GNAS: variants seen among roughly 807,000 people sequenced by gnomAD.
GNAS encodes GNAS complex locus.
GNAS carries 8 observed loss-of-function variants against 54.5 expected under a neutral mutation model. That is an observed-to-expected ratio of 0.15 (90% CI 0.09 to 0.26). The LOEUF (loss-of-function observed/expected upper bound fraction) is 0.26. Among genes scored for constraint, GNAS ranks in the 10% least tolerant of loss-of-function variants. GNAS has a pLI of 1.00. For missense variants in GNAS, 170 were observed against 529.8 expected, an observed-to-expected ratio of 0.32 and a Z score of 6.67; for synonymous variants, 204 against 191.4, an observed-to-expected ratio of 1.07 and a Z score of -0.54.
At chr20:58,902,214 CAGGTACAGCAG>C (rs1256518725) in intron 3 of GNAS, among the ~76,000 whole-genome samples, 1 of 152,092 alleles carries the variant, frequency 6.6e-6, no homozygotes. Flanking sequence ...CAGGGCCTAA[CAGGTACAGCAG>C]GTGTGCTGTG....
At chr20:58,845,469 G>A (rs2085909470) in intron 1 of GNAS, among the ~76,000 whole-genome samples, 1 of 152,128 alleles carries the variant, frequency 6.6e-6, no homozygotes, top group Admixed American at 6.6e-5. Context: ...AGACTTGTTT[G>A]CGCACCGCAT....
At chr20:58,905,680 G>A (rs966537148) in intron 6 of GNAS, among the ~76,000 whole-genome samples, 200 bp downstream of exon 6, 3 of 151,922 alleles carry the variant, frequency 2.0e-5, no homozygotes, top group African/African-American at 7.3e-5. Flanking sequence ...TTCTTTTAGT[G>A]CAGCGACATT....
intron 1 of GNAS, among the ~76,000 whole-genome samples, chr20:58,871,198 G>A (rs989419524): frequency 1.3e-5 from 2 of 152,154 alleles, no homozygotes; most frequent in African/African-American, 2.4e-5. Context: ...TTGAAATCCC[G>A]GGGTCCTTGT....
At chr20:58,854,253 A>C in intron 1 of GNAS, 1 of 1,613,192 alleles carries the variant, frequency 6.2e-7, no homozygotes, top group Non-Finnish European at 8.5e-7. Flanking sequence ...CAGCCCCCCA[A>C]TCGCGCTTGA....
Position 58,891,632 on chromosome 20 carries a change from CGCCCGGCGCTGCCCCGGCCCTCCCG to C in GNAS, c.-89_-65del, listed in dbSNP as rs1407141925. 1.0e-6 allele frequency: 1 copy of C among 970,808 alleles called. No individual in the cohort carries two copies. The highest frequency in any genetic ancestry group is 1.2e-6 in the Non-Finnish European group (1 of 822,620). 60.1% of individuals were successfully genotyped at this position (970,808 alleles called of 1,614,324 possible). On this transcript the variant is annotated 5_prime_UTR_variant, in exon 1 of 13. Transcript: ENST00000371085. ...GAGCCGAGCCCGCGCCCGGCCCGCC[CGCCCGGCGCTGCCCCGGCCCTCCCG>C]GCCCGCGTGAGGCCGCCCGCGCCCG...
At chr20:58,905,242 A>C in intron 5 of GNAS, 141 bp from the exon 6 acceptor site, 1 of 686,948 alleles carries the variant, frequency 1.5e-6, no homozygotes, top group South Asian at 1.5e-5. Context: ...TGTGAGCATT[A>C]ATTCATTAAT....
chr20:58,905,241 T>C, intron 5 of GNAS, 142 bp from the exon 6 acceptor site: 1 of 686,060 alleles, frequency 1.5e-6, no homozygotes, highest in South Asian at 1.6e-5. Flanking sequence ...TTGTGAGCAT[T>C]AATTCATTAA....
intron 3 of GNAS, chr20:58,903,194 A>T: frequency 2.4e-6 from 1 of 421,468 alleles, no homozygotes; most frequent in African/African-American, 2.0e-5. Flanking sequence ...CCAGATGTTG[A>T]TAGGACCAGG....
intron 5 of GNAS, among the ~76,000 whole-genome samples, chr20:58,904,475 CAA>C (rs969575545): frequency 1.3e-5 from 2 of 152,126 alleles, no homozygotes; most frequent in African/African-American, 2.4e-5. Context: ...TTTTAGGGAA[CAA>C]AAAACTGTTC....
rs921945230 is a variant in GNAS, at chr20:58,873,740, A to C, written c.44-21872A>C. Among the ~76,000 whole-genome samples, 3 of 152,178 alleles carry C rather than the reference A, an allele frequency of 2.0e-5. No homozygotes were observed. Among genetic ancestry groups the C allele is most frequent in the South Asian group, 2.1e-4 (1 of 4,828 alleles). On this transcript the variant is annotated intron_variant, in intron 1 of 12. Coordinates refer to the GNAS transcript ENST00000306090. The surrounding 1 kb of genome is among the most constrained non-coding windows in gnomAD (Gnocchi z 4.3). ...TTCGATATACATGTATTGAGTGCCAAATATGTGCCCTTCCCCGTGGGGAAG... is the reference window on the plus strand; with the variant it reads ...TTCGATATACATGTATTGAGTGCCACATATGTGCCCTTCCCCGTGGGGAAG...
At chr20:58,884,658 T>A (rs1189171826) in intron 1 of GNAS, 1 of 152,264 alleles carries the variant, frequency 6.6e-6, no homozygotes, top group Non-Finnish European at 1.5e-5. Context: ...AAGTTAAAAG[T>A]TCTAAGCAAC....
At chr20:58,840,706 TC>T (rs949531043), upstream of GNAS, 14 of 1,603,360 alleles carry the variant, frequency 8.7e-6, no homozygotes, top group African/African-American at 1.9e-4. The surrounding 1 kb of genome is among the most constrained non-coding windows in gnomAD (Gnocchi z 6.0). Context: ...AGGACAAAGA[TC>T]CAAGGGACCC....
At chr20:58,855,444 G>GCCA in intron 1 of GNAS, 1 of 975,866 alleles carries the variant, frequency 1.0e-6, no homozygotes, top group Non-Finnish European at 1.6e-6. Context: ...AGGGGGTCCA[G>GCCA]CCAAAGGCGG....
chr20:58,850,242 T>G (rs1217476056), intron 1 of GNAS, among the ~76,000 whole-genome samples: 3 of 152,200 alleles, frequency 2.0e-5, no homozygotes, highest in Non-Finnish European at 2.9e-5. Context: ...GTTCTTTTCT[T>G]CCATTTGTAT....
upstream of GNAS, among the ~76,000 whole-genome samples, chr20:58,887,338 T>C (rs1048195011): frequency 6.6e-6 from 1 of 152,178 alleles, no homozygotes; most frequent in African/African-American, 2.4e-5. Flanking sequence ...TACAAGTCTT[T>C]AACAATTTTT....
At chr20:58,854,683 C>T (rs2086367600) in intron 1 of GNAS, 2 of 1,528,004 alleles carry the variant, frequency 1.3e-6, no homozygotes, top group African/African-American at 1.4e-5. Flanking sequence ...GCCCCTGAGG[C>T]TCCCGCCGCC....
intron 1 of GNAS, chr20:58,850,492 G>A (rs1266066030): frequency 7.5e-6 from 3 of 398,316 alleles, no homozygotes; most frequent in Non-Finnish European, 1.3e-5. Flanking sequence ...AGCACCCATG[G>A]CAGCCTCCCT....
upstream of GNAS, chr20:58,889,097 G>T (rs1307686071): frequency 9.2e-6 from 10 of 1,081,648 alleles, no homozygotes; most frequent in Non-Finnish European, 1.1e-5. Flanking sequence ...GTTTATAGGG[G>T]CCGCTGCTAT....
chr20:58,852,579 C>T (rs1050816706), intron 1 of GNAS: 2 of 177,360 alleles, frequency 1.1e-5, no homozygotes, highest in African/African-American at 2.4e-5. Context: ...CTTCAGTCCC[C>T]CCTCCCCCGA....
Sources: allele counts gnomAD v4.1 joint callset (sites outside exome capture counted in the v4.1 genomes callset), GRCh38; gene constraint gnomAD v4.1.1; non-coding constraint Gnocchi (gnomAD v3.1); transcripts MANE v1.5; gene names NCBI Gene and HGNC (gene_info 2026-07-23, HGNC 2026-07-21).